Variants in SORCS1 observed in about 807,000 individuals in gnomAD.
The protein encoded by SORCS1 is VPS10 domain-containing receptor SorCS1.
A neutral mutation model predicts 146.1 loss-of-function variants in SORCS1; 60 were observed. The observed-to-expected ratio is 0.41, with a 90% CI of 0.33 to 0.51. The LOEUF (loss-of-function observed/expected upper bound fraction) is 0.51, where lower values mean the gene tolerates loss of function less well. Ranked by LOEUF, SORCS1 falls within the 20% of genes least tolerant of loss-of-function variation. The probability of loss-of-function intolerance (pLI) is 0.21; values close to 1 mark genes in which losing one functional copy is unlikely to be tolerated. For missense variants in SORCS1, 1,352 were observed against 1,487.6 expected, an observed-to-expected ratio of 0.91 and a Z score of 1.50; for synonymous variants, 637 against 584.0, an observed-to-expected ratio of 1.09 and a Z score of -1.31.
chr10:106,665,576 T>C (rs1026352882), intron 17 of SORCS1, among the ~76,000 whole-genome samples: 29 of 152,102 alleles, frequency 1.9e-4, no homozygotes, highest in Non-Finnish European at 3.4e-4. Context: ...AAAAGTAATG[T>C]AATAAATTCC....
chr10:107,016,543 A>G (rs910380334), intron 1 of SORCS1, among the ~76,000 whole-genome samples: 1 of 152,192 alleles, frequency 6.6e-6, no homozygotes, highest in African/African-American at 2.4e-5. Context: ...TCGATTGTAC[A>G]TTTAAATGTG....
intron 24 of SORCS1, among the ~76,000 whole-genome samples, chr10:106,580,224 G>T (rs1564740572): frequency 1.3e-5 from 2 of 152,132 alleles, no homozygotes; most frequent in African/African-American, 4.8e-5. Flanking sequence ...TGCTGAAGGA[G>T]GGATATGCCA....
chr10:106,912,678 G>A (rs145637438), intron 2 of SORCS1, among the ~76,000 whole-genome samples: 131 of 152,054 alleles, frequency 8.6e-4, no homozygotes, highest in Non-Finnish European at 1.6e-3. Flanking sequence ...TTTTTTGTTT[G>A]TTTGTTTTGT....
chr10:106,920,240 A>G (rs1384390226), intron 2 of SORCS1, among the ~76,000 whole-genome samples: 1 of 152,146 alleles, frequency 6.6e-6, no homozygotes, highest in Non-Finnish European at 1.5e-5. Context: ...ATCCAAACCT[A>G]TGTCTGTAAC....
chr10:106,934,459 C>A (rs1240902932), intron 2 of SORCS1, among the ~76,000 whole-genome samples: 1 of 151,972 alleles, frequency 6.6e-6, no homozygotes, highest in East Asian at 1.9e-4. Flanking sequence ...TGGGATTTCA[C>A]CGTGTTAGCC....
intron 18 of SORCS1, among the ~76,000 whole-genome samples, chr10:106,645,820 T>C (rs1341605019): frequency 6.6e-6 from 1 of 152,136 alleles, no homozygotes; most frequent in Non-Finnish European, 1.5e-5. Context: ...ACAAATACTT[T>C]TTTCCCTCTA....
At chr10:106,643,999 C>T (rs971412815) in intron 18 of SORCS1, among the ~76,000 whole-genome samples, 35 of 152,172 alleles carry the variant, frequency 2.3e-4, no homozygotes, top group Non-Finnish European at 3.8e-4. Flanking sequence ...GATCAGGTGT[C>T]TCATGTCTCT....
chr10:106,600,735 C>T (rs1846187556), intron 23 of SORCS1: 2 of 984,636 alleles, frequency 2.0e-6, no homozygotes, highest in Non-Finnish European at 2.4e-6. Flanking sequence ...AAAGGAAATA[C>T]CAAAGTTTAT....
intron 1 of SORCS1, among the ~76,000 whole-genome samples, chr10:106,983,942 T>G (rs1485449471): frequency 2.0e-5 from 3 of 152,178 alleles, no homozygotes; most frequent in Admixed American, 6.5e-5. Flanking sequence ...CATATCTAAC[T>G]TGGTATTCAG....
chr10:107,058,493 T>TTTCTTTGTTATACCTG (rs1224577250), intron 1 of SORCS1, among the ~76,000 whole-genome samples: 1 of 152,214 alleles, frequency 6.6e-6, no homozygotes, highest in Non-Finnish European at 1.5e-5. Flanking sequence ...AGAAATTACC[T>TTTCTTTGTTATACCTG]TGACTATAAT....
chr10:107,174,251 G>A, the SORCS1 span, among the ~76,000 whole-genome samples: 1 of 152,032 alleles, frequency 6.6e-6, no homozygotes, highest in East Asian at 1.9e-4. Context: ...TGTCACCCAG[G>A]CTGGAGTGCA....
chr10:106,578,841 C>T, intron 25 of SORCS1: 1 of 1,354,160 alleles, frequency 7.4e-7, no homozygotes, highest in South Asian at 1.7e-5. Context: ...ATTTTAAGCC[C>T]AATATTTTAG....
the SORCS1 span, among the ~76,000 whole-genome samples, chr10:107,178,974 A>C: frequency 0.059 from 9,029 of 152,236 alleles, 521 homozygotes; most frequent in East Asian, 0.3. Context: ...CTTTGAATAA[A>C]GACTCAGTAG....
intron 24 of SORCS1, among the ~76,000 whole-genome samples, chr10:106,583,195 T>C (rs4918238): frequency 6.6e-6 from 1 of 152,186 alleles, no homozygotes; most frequent in East Asian, 1.9e-4. Flanking sequence ...TCTAACATTG[T>C]CATATTATTG....
chr10:107,161,698 A>T (rs1590277669), intron 1 of SORCS1, among the ~76,000 whole-genome samples: 1 of 152,202 alleles, frequency 6.6e-6, no homozygotes, highest in East Asian at 1.9e-4. Flanking sequence ...GCCAAAAAAA[A>T]AAAGTTTATT....
chr10:107,003,460 G>A (rs1404858052), intron 1 of SORCS1, among the ~76,000 whole-genome samples: 2 of 150,686 alleles, frequency 1.3e-5, no homozygotes, highest in African/African-American at 4.9e-5. Context: ...GTGTGTGTGT[G>A]TGTGTGTGTG....
intron 2 of SORCS1, among the ~76,000 whole-genome samples, chr10:106,839,547 T>G (rs777662877): frequency 6.6e-6 from 1 of 152,220 alleles, no homozygotes; most frequent in Non-Finnish European, 1.5e-5. Context: ...AAGCAGCAAG[T>G]GCTGATACAG....
chr10:106,688,150 C>G, intron 10 of SORCS1, 42 bp downstream of exon 10: 1 of 1,599,894 alleles, frequency 6.3e-7, no homozygotes, highest in Non-Finnish European at 8.5e-7. Context: ...CATTTCCATC[C>G]CTCTACTGTG....
At chr10:106,770,028 G>A (rs1300578847) in intron 4 of SORCS1, among the ~76,000 whole-genome samples, 1 of 152,212 alleles carries the variant, frequency 6.6e-6, no homozygotes, top group African/African-American at 2.4e-5. Context: ...AGGAAGCAGA[G>A]GTTGCAGTGA....
Sources: allele counts gnomAD v4.1 joint callset (sites outside exome capture counted in the v4.1 genomes callset), GRCh38; gene constraint gnomAD v4.1.1; transcripts MANE v1.5; gene names NCBI Gene and HGNC (gene_info 2026-07-23, HGNC 2026-07-21).